The following CNTNAP5 variants were observed in gnomAD, a reference collection of about 807,000 sequenced individuals.
The protein encoded by CNTNAP5 is contactin-associated protein-like 5.
A neutral mutation model predicts 150.2 loss-of-function variants in CNTNAP5; 72 were observed. The observed-to-expected ratio is 0.48, with a 90% CI of 0.40 to 0.58. The LOEUF is 0.58. CNTNAP5 is among the 20% of genes least tolerant of loss of function. CNTNAP5 has a pLI of 0.00. For missense variants in CNTNAP5, 1,636 were observed against 1,626.2 expected (o/e 1.01, Z -0.10); for synonymous variants, 672 against 619.8 (o/e 1.08, Z -1.25).
At chr2:124,888,837 A>C (rs1678134259) in intron 21 of CNTNAP5, among the ~76,000 whole-genome samples, 1 of 151,934 alleles carries the variant, frequency 6.6e-6, no homozygotes, top group African/African-American at 2.4e-5. Context: ...AAATTCTGAA[A>C]ATTAGACCTT....
intron 20 of CNTNAP5, among the ~76,000 whole-genome samples, 161 bp from the exon 21 acceptor site, chr2:124,869,514 G>T (rs1052809840): frequency 6.6e-6 from 1 of 152,100 alleles, no homozygotes; most frequent in African/African-American, 2.4e-5. Context: ...TGTGCGTTGT[G>T]GGCAAATTAG....
chr2:124,073,819 A>C (rs1682372892), intron 1 of CNTNAP5, among the ~76,000 whole-genome samples: 1 of 152,186 alleles, frequency 6.6e-6, no homozygotes, highest in Admixed American at 6.5e-5. Flanking sequence ...TATATGATTC[A>C]GCAATTCCAC....
At chr2:124,681,809 G>C (rs551432396) in intron 13 of CNTNAP5, among the ~76,000 whole-genome samples, 3 of 152,162 alleles carry the variant, frequency 2.0e-5, no homozygotes, top group Middle Eastern at 3.4e-3. Flanking sequence ...TGATCTGCCC[G>C]CCTCGGCCTT....
intron 11 of CNTNAP5, among the ~76,000 whole-genome samples, chr2:124,564,719 G>T (rs1290711845): frequency 6.6e-6 from 1 of 152,144 alleles, no homozygotes; most frequent in Non-Finnish European, 1.5e-5. Flanking sequence ...ACATGAAAAA[G>T]TATAGAAAGT....
chr2:124,438,133 T>C (rs142053006), intron 5 of CNTNAP5, among the ~76,000 whole-genome samples: 164 of 152,200 alleles, frequency 1.1e-3, no homozygotes, highest in African/African-American at 3.9e-3. Flanking sequence ...CTGGCTTGGG[T>C]AGAGACAGTT....
chr2:124,651,785 G>T (rs1186324707), intron 13 of CNTNAP5, among the ~76,000 whole-genome samples: 1 of 152,166 alleles, frequency 6.6e-6, no homozygotes, highest in Non-Finnish European at 1.5e-5. Context: ...GAGTTGTCAG[G>T]GTTGCCTGAA....
intron 13 of CNTNAP5, among the ~76,000 whole-genome samples, chr2:124,731,154 T>C (rs917217554): frequency 6.6e-6 from 1 of 152,134 alleles, no homozygotes; most frequent in Non-Finnish European, 1.5e-5. Flanking sequence ...CCATCAGTCA[T>C]GTTTCAAGTG....
At chr2:124,438,940 G>A (rs1019338283) in intron 5 of CNTNAP5, among the ~76,000 whole-genome samples, 8 of 152,076 alleles carry the variant, frequency 5.3e-5, no homozygotes, top group Non-Finnish European at 1.0e-4. Context: ...AGTGGCTCAA[G>A]GTCACATAGC....
At position 124,335,984 on chromosome 2, in the gene CNTNAP5, G is replaced by A. The variant is rs142045459; in HGVS notation, c.382-81459G>A. On this transcript the variant is annotated intron_variant, in intron 3 of 23. Coordinates refer to ENST00000682447, the MANE Select transcript of CNTNAP5 (RefSeq NM_001367498.1). ...CAAGCTTAGGAGCCGTACAAAACAC[G>A]AGACTTCATGAATGACTAGGTGGCT... Among the ~76,000 whole-genome samples, 8 of 152,102 alleles carry A rather than the reference G, an allele frequency of 5.3e-5. No homozygotes were observed. The East Asian group carries it at 7.8e-4, about 15-fold the overall frequency.
At chr2:124,137,879 G>A (rs1684015214) in intron 1 of CNTNAP5, among the ~76,000 whole-genome samples, 1 of 151,742 alleles carries the variant, frequency 6.6e-6, no homozygotes, top group Non-Finnish European at 1.5e-5. Flanking sequence ...ATCAGAGGAG[G>A]TTCCAGGTTC....
chr2:124,622,092 T>C (rs1486179332), intron 12 of CNTNAP5, among the ~76,000 whole-genome samples: 1 of 152,150 alleles, frequency 6.6e-6, no homozygotes, highest in Admixed American at 6.5e-5. Flanking sequence ...ATCCATTAGC[T>C]ATTCTTCCTG....
intron 13 of CNTNAP5, among the ~76,000 whole-genome samples, chr2:124,658,034 T>C (rs909190083): frequency 6.6e-6 from 1 of 152,194 alleles, no homozygotes; most frequent in Non-Finnish European, 1.5e-5. Flanking sequence ...CATTCTTTAT[T>C]CCCAAAATGC....
chr2:124,708,195 G>A (rs1462924138), intron 13 of CNTNAP5, among the ~76,000 whole-genome samples: 1 of 152,144 alleles, frequency 6.6e-6, no homozygotes, highest in African/African-American at 2.4e-5. Flanking sequence ...AAAATGGAGA[G>A]GCTTTACTGA....
chr2:124,474,467 G>A (rs1693593433), intron 6 of CNTNAP5, among the ~76,000 whole-genome samples: 1 of 151,868 alleles, frequency 6.6e-6, no homozygotes, highest in Admixed American at 6.6e-5. Flanking sequence ...CCCTCCTTCT[G>A]TAAATTATTG....
rs979665671 is a variant in CNTNAP5, at chr2:124,918,640, C to T, written c.*4352C>T. On this transcript the variant is annotated 3_prime_UTR_variant, in exon 24 of 24. Coordinates refer to ENST00000682447, the MANE Select transcript of CNTNAP5 (RefSeq NM_001367498.1). ...AACTGCCCTAGCTTCCTTTAAGCTT[C>T]CCCATAGCTACCATCCATCAAAACC... is the stretch of plus-strand genomic sequence containing the variant. Among the ~76,000 whole-genome samples, 18 of 152,086 alleles carry T rather than the reference C, an allele frequency of 1.2e-4. No homozygotes were observed. The highest frequency in any genetic ancestry group is 2.0e-4 in the Admixed American group (3 of 15,252).
intron 3 of CNTNAP5, among the ~76,000 whole-genome samples, chr2:124,253,492 G>A (rs902072658): frequency 1.2e-4 from 19 of 152,132 alleles, no homozygotes; most frequent in African/African-American, 4.3e-4. Context: ...TGGCAGGTAT[G>A]CCAGCTGCCT....
intron 1 of CNTNAP5, among the ~76,000 whole-genome samples, chr2:124,064,868 T>G (rs1462683098): frequency 6.6e-6 from 1 of 152,176 alleles, no homozygotes; most frequent in African/African-American, 2.4e-5. Context: ...CCTATCATCT[T>G]TCAGGTTTCA....
At chr2:124,150,427 A>G (rs1684377273) in intron 1 of CNTNAP5, among the ~76,000 whole-genome samples, 1 of 152,210 alleles carries the variant, frequency 6.6e-6, no homozygotes, top group Admixed American at 6.5e-5. Flanking sequence ...TTATGGGAAC[A>G]GATAATTTAG....
intron 3 of CNTNAP5, among the ~76,000 whole-genome samples, chr2:124,331,895 G>A (rs1046868812): frequency 6.6e-6 from 1 of 151,736 alleles, no homozygotes; most frequent in Non-Finnish European, 1.5e-5. Context: ...AATATTACAT[G>A]AAAATCTTAA....
Sources: gnomAD v4.1 joint callset for allele counts (sites outside exome capture counted in the v4.1 genomes callset) on GRCh38, gnomAD v4.1.1 for gene constraint, MANE v1.5 for transcripts, NCBI Gene and HGNC (gene_info 2026-07-23, HGNC 2026-07-21) for gene names.